The following TACR3 variants were observed in gnomAD, a reference collection of about 807,000 sequenced individuals.
TACR3 encodes tachykinin receptor 3, also known as neuromedin-K receptor.
TACR3 carries 34 observed loss-of-function variants against 35.0 expected under a neutral mutation model. The observed-to-expected ratio is 0.97, with a 90% confidence interval of 0.74 to 1.30. The LOEUF (loss-of-function observed/expected upper bound fraction) is 1.30. TACR3 is among the 50% of genes most tolerant of loss of function. The probability of loss-of-function intolerance (pLI) is 0.00; values close to 1 mark genes in which losing one functional copy is unlikely to be tolerated. For missense variants in TACR3, 558 were observed against 591.7 expected, an observed-to-expected ratio of 0.94 and a Z score of 0.59; for synonymous variants, 233 against 221.1, an observed-to-expected ratio of 1.05 and a Z score of -0.48.
At chr4:103,681,171 T>G (rs1283928788) in intron 1 of TACR3, among the ~76,000 whole-genome samples, 1 of 152,034 alleles carries the variant, frequency 6.6e-6, no homozygotes, top group Non-Finnish European at 1.5e-5. Flanking sequence ...AAAATGTCAC[T>G]TTAGTTATTC....
intron 3 of TACR3, among the ~76,000 whole-genome samples, chr4:103,621,007 C>T (rs1309071210): frequency 1.3e-5 from 2 of 152,200 alleles, no homozygotes; most frequent in African/African-American, 2.4e-5. Context: ...AAGGCATAGA[C>T]CCTGCTCTTC....
chr4:103,719,644 A>T lies in TACR3; in HGVS notation c.32T>A (p.Ile11Lys). The T allele has an allele frequency of 6.2e-7, 1 of 1,613,220 alleles. No homozygotes were observed. The highest frequency in any genetic ancestry group is 8.5e-7 in the Non-Finnish European group (1 of 1,180,008). Residue 11 changes from isoleucine (I) to lysine (K), a missense_variant, in exon 1 of 5, where the codon ATA becomes AAA. Physicochemically the swap from Ile to Lys is moderately radical, Grantham distance 102. Transcript: ENST00000304883. ...TGCACCCACGCCTCCACCCCCGTCT[A>T]TCCAGGTTTCTGCTGCTGGGAGAGT... is the stretch of plus-strand genomic sequence containing the variant. MATLPAAETWIDGGGGVGADA... is the reference protein window; with the variant it reads MATLPAAETWKDGGGGVGADA...
Position 103,589,829 on chromosome 4 carries a change from A to G in TACR3, c.1251T>C (p.Asp417=), listed in dbSNP as rs757135981. The part of the protein sequence containing the change: ...ESMTVVFDPN[D]ADTTRSSRKK... ...TCCGACTGGACCTGGTGGTGTCTGC[A>G]TCGTTGGGGTCAAACACGACTGTCA... The change falls in exon 5 of 5, where the codon GAT becomes GAC. Residue 417 remains aspartate (D), a synonymous_variant. Transcript: ENST00000304883. 4.3e-6 allele frequency: 7 copies of G among 1,613,852 alleles called. No homozygotes were observed. The Admixed American group carries it at 8.3e-5, about 19-fold the overall frequency.
chr4:103,655,993 C>A (rs1396442522), intron 3 of TACR3, among the ~76,000 whole-genome samples: 2 of 151,872 alleles, frequency 1.3e-5, no homozygotes, highest in Admixed American at 1.3e-4. Flanking sequence ...AATGAATTAA[C>A]TATTATATAA....
intron 1 of TACR3, among the ~76,000 whole-genome samples, chr4:103,669,403 T>C (rs12647074): frequency 0.12 from 18,022 of 152,136 alleles, 1,461 homozygotes; most frequent in East Asian, 0.43. Context: ...ATTTCTATTT[T>C]AGTTTTTTGA....
intron 1 of TACR3, among the ~76,000 whole-genome samples, chr4:103,702,935 A>G (rs1194522644): frequency 6.6e-6 from 1 of 150,762 alleles, no homozygotes; most frequent in Non-Finnish European, 1.5e-5. Flanking sequence ...TAGCATTAGG[A>G]GATATACCTA....
chr4:103,597,329 G>A (rs940372431), intron 3 of TACR3, among the ~76,000 whole-genome samples: 6 of 152,022 alleles, frequency 3.9e-5, no homozygotes, highest in Non-Finnish European at 7.4e-5. Context: ...TTGTGGTTTT[G>A]GTTTGCATTT....
At chr4:103,681,554 A>G (rs1722089997) in intron 1 of TACR3, among the ~76,000 whole-genome samples, 1 of 152,144 alleles carries the variant, frequency 6.6e-6, no homozygotes, top group Non-Finnish European at 1.5e-5. Context: ...TAAAGGATCA[A>G]TTTACCAAGA....
intron 3 of TACR3, among the ~76,000 whole-genome samples, chr4:103,614,184 G>A (rs1724579646): frequency 6.6e-6 from 1 of 152,000 alleles, no homozygotes; most frequent in South Asian, 2.1e-4. Context: ...TTCCCTTTGA[G>A]TTCTAATTTT....
In TACR3 at chr4:103,587,243, CTT is replaced by C. The variant is rs1723785804; in HGVS notation, c.*2437_*2438del. The C allele has an allele frequency of 6.6e-6, 1 of 151,512 alleles. No homozygotes were observed. Among genetic ancestry groups the C allele is most frequent in the East Asian group, 1.9e-4 (1 of 5,174 alleles). 9.4% of individuals were successfully genotyped at this position (151,512 alleles called of 1,614,324 possible). ...CAGACAAAAGAGTGAAAAATCTTCT[CTT>C]TTATATTTCACTCTTGTTTTATTAT... On this transcript the variant is annotated 3_prime_UTR_variant, in exon 5 of 5. Transcript: ENST00000304883.
chr4:103,710,368 C>G (rs1722914466), intron 1 of TACR3, among the ~76,000 whole-genome samples: 1 of 152,150 alleles, frequency 6.6e-6, no homozygotes, highest in African/African-American at 2.4e-5. Context: ...CAAAACTGCT[C>G]AAGTGCATGG....
chr4:103,655,542 A>G (rs1371980940), intron 3 of TACR3, among the ~76,000 whole-genome samples: 1 of 152,114 alleles, frequency 6.6e-6, no homozygotes, highest in African/African-American at 2.4e-5. Context: ...AAAAATCTCA[A>G]TAAAATAATC....
intron 1 of TACR3, among the ~76,000 whole-genome samples, chr4:103,659,543 A>C (rs1034212151): frequency 6.6e-6 from 1 of 152,216 alleles, no homozygotes; most frequent in Non-Finnish European, 1.5e-5. Context: ...TTAATAAATC[A>C]AGTTCGATTG....
chr4:103,689,669 A>C (rs1158512450), intron 1 of TACR3, among the ~76,000 whole-genome samples: 1 of 152,130 alleles, frequency 6.6e-6, no homozygotes, highest in African/African-American at 2.4e-5. Flanking sequence ...GAAAAATTAA[A>C]GACAAATGAA....
intron 1 of TACR3, among the ~76,000 whole-genome samples, chr4:103,670,957 G>A (rs1193376658): frequency 3.3e-5 from 5 of 151,896 alleles, no homozygotes; most frequent in South Asian, 2.1e-4. Context: ...GTTACATATC[G>A]CCTTTATTGG....
At chr4:103,651,270 A>G (rs1237382248) in intron 3 of TACR3, among the ~76,000 whole-genome samples, 2 of 151,446 alleles carry the variant, frequency 1.3e-5, no homozygotes, top group African/African-American at 4.9e-5. Context: ...TTTGTGTTCT[A>G]TTGTACTGTG....
chr4:103,694,248 A>G (rs1410785946), intron 1 of TACR3, among the ~76,000 whole-genome samples: 2 of 148,124 alleles, frequency 1.4e-5, no homozygotes, highest in African/African-American at 2.7e-5. Context: ...TATGCTTGTG[A>G]AGCTTACACC....
In TACR3 at chr4:103,663,321, TC is replaced by T. The variant is rs1725872629; in HGVS notation, c.549-4919del. ...CCAGCCTGGCCAACATGGAGAAACCTCATCTCTACTAGAAATACAAAAATTA... is the reference window on the plus strand; with the variant it reads ...CCAGCCTGGCCAACATGGAGAAACCTATCTCTACTAGAAATACAAAAATTA... On this transcript the variant is annotated intron_variant, in intron 1 of 4. Coordinates refer to ENST00000304883, the MANE Select transcript of TACR3 (RefSeq NM_001059.3). 8.6e-5 allele frequency among the ~76,000 whole-genome samples: 13 copies of T among 151,918 alleles called. 1 individual carries two copies. The South Asian group carries it at 2.7e-3, about 31-fold the overall frequency.
At chr4:103,657,792 C>T (rs1191129207) in intron 2 of TACR3, among the ~76,000 whole-genome samples, 2 of 151,952 alleles carry the variant, frequency 1.3e-5, no homozygotes, top group Non-Finnish European at 2.9e-5. Context: ...AGAACACAAA[C>T]CAAATCAAAC....
Sources: allele counts gnomAD v4.1 joint callset (sites outside exome capture counted in the v4.1 genomes callset), GRCh38; gene constraint gnomAD v4.1.1; transcripts MANE v1.5; gene names NCBI Gene and HGNC (gene_info 2026-07-23, HGNC 2026-07-21).